Variants in TMC2 observed in about 807,000 individuals in gnomAD.
TMC2 encodes the protein transmembrane channel like 2, also known as transmembrane channel-like protein 2.
TMC2 carries 102 observed loss-of-function variants against 105.9 expected under a neutral mutation model. The observed-to-expected ratio is 0.96, with a 90% CI of 0.82 to 1.14. The LOEUF is 1.14. Ranked by LOEUF, TMC2 falls within the 50% of genes most tolerant of loss-of-function variation. TMC2 has a pLI of 0.00. For synonymous variants in TMC2, 402 were observed against 422.8 expected, an observed-to-expected ratio of 0.95 and a Z score of 0.60; for missense variants, 1,093 against 1,134.3, an observed-to-expected ratio of 0.96 and a Z score of 0.52.
intron 14 of TMC2, 123 bp downstream of exon 14, chr20:2,613,445 G>A (rs1409971541): frequency 1.4e-6 from 2 of 1,397,194 alleles, no homozygotes; most frequent in Non-Finnish European, 2.0e-6. Context: ...TCTCTGCTCT[G>A]TAGAGTAGTA....
rs1236032689 is a variant in TMC2 at position 2,558,818 on chromosome 20, C to G, written c.401+44C>G. On this transcript the variant is annotated intron_variant, in intron 3 of 19. Transcript: ENST00000358864. This position sits in a 1 kb window ranked among gnomAD's most constrained non-coding sequence, Gnocchi z 4.6. ...TCTGGGCATTCGCTCCGCGCGCTCCCGCTCCTTCGCGGCCCTTCCCCTTCC... is the reference window on the plus strand; with the variant it reads ...TCTGGGCATTCGCTCCGCGCGCTCCGGCTCCTTCGCGGCCCTTCCCCTTCC... 6.7e-7 allele frequency: 1 copy of G among 1,481,746 alleles called. No individual in the cohort carries two copies. The highest frequency in any genetic ancestry group is 2.4e-5 in the East Asian group (1 of 42,376). The allele number at this position is 1,481,746 out of a possible 1,614,324, so 91.8% of individuals were successfully genotyped here.
At position 2,610,500 on chromosome 20, in the gene TMC2, C is replaced by T. The variant is rs372275239; in HGVS notation, c.1495C>T (p.Arg499Cys). 1.8e-5 allele frequency: 29 copies of T among 1,613,766 alleles called. No individual in the cohort carries two copies. The highest frequency in any genetic ancestry group is 8.0e-5 in the African/African-American group (6 of 74,876). ...TIAALENYHP[R>C]TGLKWQLGRI... ...CGCTGCCCTGGAGAATTACCACCCA[C>T]GCACTGGACTGAAGTGGCAGCTGGG... Residue 499 changes from arginine (R) to cysteine (C), a missense_variant, in exon 12 of 20, where the codon CGC (arginine) becomes TGC (cysteine). By Grantham distance (180) the Arg-to-Cys change is radical. Transcript: ENST00000358864.
At chr20:2,614,869 T>C (rs10485603) in intron 14 of TMC2, among the ~76,000 whole-genome samples, 19,180 of 152,018 alleles carry the variant, frequency 0.13, 1,567 homozygotes, top group Middle Eastern at 0.22. Context: ...TCTAGATTAA[T>C]TTTAGGCACA....
chr20:2,620,744 T>G, intron 16 of TMC2, among the ~76,000 whole-genome samples: 1 of 151,998 alleles, frequency 6.6e-6, no homozygotes, highest in African/African-American at 2.4e-5. Context: ...GGTGGAAGTG[T>G]TCTTCCAAGG....
chr20:2,597,104 A>G (rs761720571), intron 9 of TMC2, 47 bp from the exon 10 acceptor site: 2 of 1,586,064 alleles, frequency 1.3e-6, no homozygotes, highest in Non-Finnish European at 1.7e-6. Context: ...TGGGGGTGAC[A>G]CAGCAGAAAG....
At chr20:2,565,333 C>T (rs2086056137) in intron 4 of TMC2, among the ~76,000 whole-genome samples, 1 of 152,248 alleles carries the variant, frequency 6.6e-6, no homozygotes, top group South Asian at 2.1e-4. Context: ...ACTGAGGCCA[C>T]ACAGCAAGTT....
chr20:2,570,745 AACTAT>A (rs1395683204), intron 4 of TMC2, among the ~76,000 whole-genome samples: 1 of 152,156 alleles, frequency 6.6e-6, no homozygotes, highest in African/African-American at 2.4e-5. Flanking sequence ...CTCAACTTCA[AACTAT>A]ACTATGAGGC....
At chr20:2,600,818 G>A (rs1190404696) in intron 10 of TMC2, among the ~76,000 whole-genome samples, 7 of 145,500 alleles carry the variant, frequency 4.8e-5, no homozygotes, top group Admixed American at 1.4e-4. Context: ...AGCAAGACTC[G>A]GTCTCAAAAA....
At chr20:2,600,986 GAAAAAAA>G (rs55710696) in intron 10 of TMC2, among the ~76,000 whole-genome samples, 1 of 90,560 alleles carries the variant, frequency 1.1e-5, no homozygotes, top group South Asian at 3.5e-4. Flanking sequence ...GACTGTCTCA[GAAAAAAA>G]AAAAAAAAAA....
chr20:2,636,141 G>A (rs2086641367), intron 18 of TMC2, 137 bp downstream of exon 18: 2 of 687,534 alleles, frequency 2.9e-6, no homozygotes, highest in African/African-American at 1.8e-5. Context: ...CTGTATTATG[G>A]GAAGTAGCCT....
chr20:2,596,113 G>T (rs2086304631), intron 9 of TMC2, among the ~76,000 whole-genome samples: 1 of 152,100 alleles, frequency 6.6e-6, no homozygotes. Context: ...CAAATCCAGA[G>T]AGCCAACATG....
intron 2 of TMC2, among the ~76,000 whole-genome samples, chr20:2,546,809 G>A (rs1266330413): frequency 6.6e-6 from 1 of 152,096 alleles, no homozygotes; most frequent in Non-Finnish European, 1.5e-5. Flanking sequence ...CTGGTTGAGG[G>A]TAACTTATTA....
At chr20:2,542,777 C>T (rs1291423102) in intron 2 of TMC2, among the ~76,000 whole-genome samples, 4 of 151,222 alleles carry the variant, frequency 2.6e-5, no homozygotes, top group East Asian at 3.9e-4. Context: ...CTGCAACCTC[C>T]GCCTCCCGGG....
chr20:2,630,210 T>TCAGGAAAAGGAG (rs2086594126), intron 17 of TMC2, among the ~76,000 whole-genome samples: 1 of 152,196 alleles, frequency 6.6e-6, no homozygotes, highest in Non-Finnish European at 1.5e-5. Context: ...GTCGATTGCA[T>TCAGGAAAAGGAG]TGGATAGAAC....
chr20:2,635,157 C>T (rs2086632460), intron 17 of TMC2, among the ~76,000 whole-genome samples: 1 of 152,180 alleles, frequency 6.6e-6, no homozygotes, highest in Non-Finnish European at 1.5e-5. Flanking sequence ...AGGTCATAAC[C>T]CCAGACCTTA....
rs375594813 is a variant in TMC2, at chr20:2,642,011, G to C, written c.*660G>C. Among the ~76,000 whole-genome samples, 1 of 152,082 alleles carries C rather than the reference G, an allele frequency of 6.6e-6. No individual in the cohort carries two copies. Among genetic ancestry groups the C allele is most frequent in the Non-Finnish European group, 1.5e-5 (1 of 68,034 alleles). On this transcript the variant is annotated 3_prime_UTR_variant, in exon 20 of 20. Transcript: ENST00000358864. ...GAGGCAGAAGGATCACTTGAGCCCA[G>C]GAGGCAGAGGTTGCAGTTAGCTAAG...
chr20:2,624,721 G>A (rs2086552177), intron 17 of TMC2, among the ~76,000 whole-genome samples: 1 of 152,134 alleles, frequency 6.6e-6, no homozygotes, highest in South Asian at 2.1e-4. Context: ...CAAGGGGTGT[G>A]AGTGAGGGGT....
chr20:2,586,861 A>G (rs1568515010), intron 7 of TMC2, among the ~76,000 whole-genome samples: 1 of 152,164 alleles, frequency 6.6e-6, no homozygotes, highest in Non-Finnish European at 1.5e-5. Flanking sequence ...CATGCCATAT[A>G]CTTTGATATA....
At chr20:2,608,657 T>G (rs1001303906) in intron 11 of TMC2, among the ~76,000 whole-genome samples, 1 of 152,174 alleles carries the variant, frequency 6.6e-6, no homozygotes, top group Non-Finnish European at 1.5e-5. Flanking sequence ...ACTCTTACTC[T>G]TCCCATCTTC....
Sources: gnomAD v4.1 joint callset for allele counts (sites outside exome capture counted in the v4.1 genomes callset) on GRCh38, gnomAD v4.1.1 for gene constraint, Gnocchi (gnomAD v3.1) non-coding constraint, MANE v1.5 for transcripts, NCBI Gene and HGNC (gene_info 2026-07-23, HGNC 2026-07-21) for gene names.